Variants in P4HTM observed in about 807,000 individuals in gnomAD.
P4HTM encodes the protein prolyl 4-hydroxylase, transmembrane.
P4HTM carries 33 observed loss-of-function variants against 55.3 expected under a neutral mutation model. The observed-to-expected ratio is 0.60, with a 90% CI of 0.45 to 0.80. The LOEUF is 0.80. P4HTM is among the 30% of genes least tolerant of loss of function. P4HTM has a pLI of 0.00. For missense variants in P4HTM, 542 were observed against 696.5 expected (o/e 0.78, Z 2.50); for synonymous variants, 272 against 286.4 (o/e 0.95, Z 0.51).
chr3:49,003,974 A>G, intron 4 of P4HTM, 124 bp from the exon 5 acceptor site: 1 of 884,804 alleles, frequency 1.1e-6, no homozygotes, highest in South Asian at 1.8e-5. Context: ...ACAAGTGTAC[A>G]AGGCCCCTCA....
Position 49,006,982 on chromosome 3 carries a change from C to T in P4HTM, c.*75C>T. The stretch of plus-strand genomic sequence containing the variant: ...TCAGGGGTCCGGCTGTCCTTCTGTC[C>T]TGCTGCAGACTAAAGGTCTGGCCAA... On this transcript the variant is annotated 3_prime_UTR_variant, in exon 9 of 9. Transcript: ENST00000383729. 1 of 1,208,898 alleles carries T rather than the reference C, an allele frequency of 8.3e-7. No homozygotes were observed. Among genetic ancestry groups the T allele is most frequent in the Non-Finnish European group, 1.2e-6 (1 of 852,124 alleles). The allele number at this position is 1,208,898 out of a possible 1,614,324, so 74.9% of individuals were successfully genotyped here.
intron 2 of P4HTM, among the ~76,000 whole-genome samples, chr3:48,993,859 C>CAAAAAAAA (rs60867672): frequency 6.9e-5 from 3 of 43,792 alleles, no homozygotes; most frequent in African/African-American, 1.6e-4. Flanking sequence ...GACTCCATCA[C>CAAAAAAAA]AAAAAAAAAA....
chr3:49,004,530 CT>C lies in P4HTM; in HGVS notation c.887+272del, dbSNP rs2092970850. 7.2e-6 allele frequency: 4 copies of C among 556,918 alleles called. No homozygotes were observed. In the South Asian group the frequency reaches 9.7e-5, roughly 13 times the overall value. 34.5% of individuals were successfully genotyped at this position (556,918 alleles called of 1,614,324 possible). A position where few individuals can be genotyped will look rare whatever the true frequency, so the allele number is the denominator to read the frequency against. ...ATAAATGACCTCTTATCTTTGACCC[CT>C]TATCTGACCCCGTCACAGCAGGAAA... is the stretch of plus-strand genomic sequence containing the variant. On this transcript the variant is annotated intron_variant, in intron 5 of 8. Coordinates refer to ENST00000383729, the MANE Select transcript of P4HTM (RefSeq NM_177939.3).
chr3:49,004,746 C>G, intron 5 of P4HTM, 115 bp from the exon 6 acceptor site: 9 of 1,057,100 alleles, frequency 8.5e-6, no homozygotes, highest in Non-Finnish European at 1.2e-5. Flanking sequence ...TAAGGGACTT[C>G]CAGGGGAGGT....
chr3:49,006,115 A>AC lies in P4HTM; in HGVS notation c.1216_1217insC (p.Lys406ThrfsTer22). 6.2e-7 allele frequency: 1 copy of AC among 1,613,004 alleles called. No individual in the cohort carries two copies. Among genetic ancestry groups the AC allele is most frequent in the Non-Finnish European group, 8.5e-7 (1 of 1,179,936 alleles). ...CCGTGACACACGGAGGCACTGTGAC[A>AC]AGGGAAACCTGCGTGTCAAGCCCCA... On this transcript the variant is annotated frameshift_variant, in exon 8 of 9. Coordinates refer to ENST00000383729, the MANE Select transcript of P4HTM (RefSeq NM_177939.3). LOFTEE classifies it high-confidence loss of function.
At chr3:48,992,858 G>T (rs995542783) in intron 2 of P4HTM, among the ~76,000 whole-genome samples, 2 of 151,386 alleles carry the variant, frequency 1.3e-5, no homozygotes, top group African/African-American at 2.4e-5. Flanking sequence ...GTAGAGACGG[G>T]CTTTCACCGT....
rs201767744 is a variant in P4HTM, at chr3:49,005,765, C to A, written c.1074-12C>A. The A allele has an allele frequency of 3.3e-5, 53 of 1,595,818 alleles. No homozygotes were observed. In the East Asian group the frequency reaches 1.0e-3, roughly 31 times the overall value. Reference sequence around the variant, plus strand: ...AACTGGGGACCTGCTCAGTGCCCCCCCTGCCTTACAGCTACATGACAGTGC... The same window carrying A: ...AACTGGGGACCTGCTCAGTGCCCCCACTGCCTTACAGCTACATGACAGTGC... On this transcript the variant is annotated splice_polypyrimidine_tract_variant and intron_variant, in intron 6 of 8. Transcript: ENST00000383729.
chr3:49,004,833 GC>G lies in P4HTM; in HGVS notation c.888-25del, dbSNP rs772898542. On this transcript the variant is annotated intron_variant, in intron 5 of 8. Transcript: ENST00000383729. ...TCAGATCACCACCTTGCCTGGGGCT[GC>G]CCAGCCAAATGCCTGCTGCCCACCA... The G allele has an allele frequency of 2.7e-5, 42 of 1,584,082 alleles. No individual in the cohort carries two copies. In the Middle Eastern group the frequency reaches 7.1e-4, roughly 27 times the overall value.
At chr3:48,998,455 T>G (rs978751063) in intron 2 of P4HTM, 3 of 152,240 alleles carry the variant, frequency 2.0e-5, no homozygotes, top group Non-Finnish European at 2.9e-5. Flanking sequence ...CCTGGAACTC[T>G]CTGGTTGCTG....
chr3:48,990,419 A>G lies in P4HTM; in HGVS notation c.163A>G (p.Ile55Val), dbSNP rs1235265689. The G allele has an allele frequency of 6.3e-7, 1 of 1,596,644 alleles. No homozygotes were observed. Among genetic ancestry groups the G allele is most frequent in the Non-Finnish European group, 8.5e-7 (1 of 1,173,290 alleles). ...PVRPLCKPRG[I>V]CSRAYFLVLM... ...GCGTCCGCTGTGCAAGCCCCGCGGCATCTGCTCGCGCGCCTACTTCCTGGT... is the reference window on the plus strand; with the variant it reads ...GCGTCCGCTGTGCAAGCCCCGCGGCGTCTGCTCGCGCGCCTACTTCCTGGT... Residue 55 changes from isoleucine to valine, a missense_variant, in exon 1 of 9, where the codon ATC (isoleucine) becomes GTC (valine). By Grantham distance (29) the Ile-to-Val change is conservative. Around this residue, in one of 2 missense-constraint regions of P4HTM, gnomAD observed 536 missense variants for 672.1 expected, o/e 0.80. Transcript: ENST00000383729. The surrounding 1 kb of genome is among the most constrained non-coding windows in gnomAD (Gnocchi z 7.2).
rs2092969426 is a variant in P4HTM, at chr3:49,004,130, G to A, written c.757G>A (p.Asp253Asn). ...GAGTCTGCAGGAGTTCTCCAACATG[G>A]ACCTTCGGGACTTCCACAAGTACAT... ...VLSLQEFSNM[D>N]LRDFHKYMRS... Residue 253 changes from aspartate to asparagine, a missense_variant, in exon 5 of 9, where the codon GAC (aspartate) becomes AAC (asparagine). By Grantham distance (23) the Asp-to-Asn change is conservative. Coordinates refer to ENST00000383729, the MANE Select transcript of P4HTM (RefSeq NM_177939.3). The A allele has an allele frequency of 6.4e-7, 1 of 1,555,190 alleles. No homozygotes were observed. Among genetic ancestry groups the A allele is most frequent in the Non-Finnish European group, 8.7e-7 (1 of 1,149,744 alleles).
At chr3:49,003,055 C>T (rs773372007) in intron 4 of P4HTM, 17 of 315,106 alleles carry the variant, frequency 5.4e-5, no homozygotes, top group Non-Finnish European at 9.3e-5. Flanking sequence ...TCTTGTCCAC[C>T]TGGAGTCATG....
chr3:48,994,333 G>C (rs140064972), intron 2 of P4HTM, among the ~76,000 whole-genome samples: 15 of 152,214 alleles, frequency 9.9e-5, no homozygotes, highest in African/African-American at 3.6e-4. Context: ...ACCTGGGATC[G>C]AAGAGTGGAT....
chr3:49,005,920 T>C (rs993896339), intron 7 of P4HTM, 53 bp downstream of exon 7: 188 of 1,529,208 alleles, frequency 1.2e-4, no homozygotes, highest in Non-Finnish European at 1.6e-4. Flanking sequence ...CTTAGACAAG[T>C]GAAGTACACA....
intron 2 of P4HTM, chr3:48,991,846 T>C (rs2092932094): frequency 6.6e-6 from 1 of 152,188 alleles, no homozygotes; most frequent in South Asian, 2.1e-4. Flanking sequence ...GTGACAAACA[T>C]ATTTGCAAAC....
intron 2 of P4HTM, among the ~76,000 whole-genome samples, chr3:49,000,868 C>T (rs1371781400): frequency 6.6e-6 from 1 of 152,190 alleles, no homozygotes; most frequent in African/African-American, 2.4e-5. Flanking sequence ...AGTATCTGCC[C>T]AAAACCTGAG....
intron 2 of P4HTM, chr3:48,996,081 G>A (rs185150209): frequency 6.6e-5 from 10 of 152,320 alleles, no homozygotes; most frequent in Admixed American, 6.5e-4. Context: ...ATGAGTAATT[G>A]CCACCAGTAT....
At position 49,002,710 on chromosome 3, in the gene P4HTM, CT is replaced by C; in HGVS notation, c.724+117del. 1.2e-6 allele frequency: 1 copy of C among 806,668 alleles called. No homozygotes were observed. Among genetic ancestry groups the C allele is most frequent in the Non-Finnish European group, 2.2e-6 (1 of 460,994 alleles). The allele number at this position is 806,668 out of a possible 1,614,324, so 50.0% of individuals were successfully genotyped here. A position where few individuals can be genotyped will look rare whatever the true frequency, so the allele number is the denominator to read the frequency against. ...ACAGCCAGGCAGCCTCTCTGCACCC[CT>C]TTATAGTGGCCAGAGATGGGGAGGT... On this transcript the variant is annotated intron_variant, in intron 4 of 8. Coordinates refer to ENST00000383729, the MANE Select transcript of P4HTM (RefSeq NM_177939.3). This position sits in a 1 kb window ranked among gnomAD's most constrained non-coding sequence, Gnocchi z 4.4.
chr3:49,005,465 A>G, intron 6 of P4HTM: 1 of 1,362,344 alleles, frequency 7.3e-7, no homozygotes, highest in Non-Finnish European at 9.4e-7. Context: ...TCCCATCCCC[A>G]AGGAGCCCTT....
Sources: gnomAD v4.1 joint callset for allele counts (sites outside exome capture counted in the v4.1 genomes callset) on GRCh38, gnomAD v4.1.1 for gene constraint, gnomAD v4.1.1 regional missense constraint, Gnocchi (gnomAD v3.1) non-coding constraint, MANE v1.5 for transcripts, NCBI Gene and HGNC (gene_info 2026-07-23, HGNC 2026-07-21) for gene names.